UVRAG: variants seen among roughly 807,000 people sequenced by gnomAD.
The protein encoded by UVRAG is UV radiation resistance-associated gene protein.
A neutral mutation model predicts 78.0 loss-of-function variants in UVRAG; 19 were observed. That is an observed-to-expected ratio of 0.24 (90% CI 0.17 to 0.36). The LOEUF (loss-of-function observed/expected upper bound fraction) is 0.36. Ranked by LOEUF, UVRAG falls within the 10% of genes least tolerant of loss-of-function variation. The pLI is 1.00. For missense variants in UVRAG, 740 were observed against 853.8 expected (o/e 0.87, Z 1.66); for synonymous variants, 323 against 324.6 (o/e 1.00, Z 0.05).
intron 14 of UVRAG, among the ~76,000 whole-genome samples, chr11:76,124,259 A>C (rs17134576): frequency 6.6e-6 from 1 of 152,210 alleles, no homozygotes; most frequent in Admixed American, 6.5e-5. Context: ...TTAAGTGTCT[A>C]TTCTGCGTAT....
chr11:76,061,579 G>A (rs1486282686), intron 12 of UVRAG, among the ~76,000 whole-genome samples: 1 of 151,672 alleles, frequency 6.6e-6, no homozygotes. Context: ...AACCCACCGG[G>A]AGGAACGAAC....
intron 8 of UVRAG, among the ~76,000 whole-genome samples, chr11:75,992,593 G>A (rs1241007889): frequency 1.3e-5 from 2 of 152,106 alleles, no homozygotes; most frequent in African/African-American, 4.8e-5. Context: ...TGGGAAAGAG[G>A]GGGATGGCTG....
Position 76,141,110 on chromosome 11 carries a change from T to A in UVRAG, c.1797T>A (p.Thr599=), listed in dbSNP as rs1952714779. 1 of 1,613,998 alleles carries A rather than the reference T, an allele frequency of 6.2e-7. No individual in the cohort carries two copies. The highest frequency in any genetic ancestry group is 1.7e-5 in the Admixed American group (1 of 60,008). ...GGCACCGGGCCACAGTCAATGGCAC[T>A]CTCCTACCCAGCGAGCAGGCCGGGT... ...LSGHRATVNG[T]LLPSEQAGSA... Residue 599 remains threonine (T), a synonymous_variant, in exon 15 of 15, where the codon ACT becomes ACA. Transcript: ENST00000356136.
chr11:75,948,946 T>C (rs1382517873), intron 6 of UVRAG, among the ~76,000 whole-genome samples: 1 of 152,202 alleles, frequency 6.6e-6, no homozygotes, highest in Non-Finnish European at 1.5e-5. Flanking sequence ...GCAGGCGTTC[T>C]GGATGCTGTT....
At chr11:76,023,102 AT>A (rs1405445824) in intron 12 of UVRAG, among the ~76,000 whole-genome samples, 1 of 152,082 alleles carries the variant, frequency 6.6e-6, no homozygotes, top group African/African-American at 2.4e-5. Flanking sequence ...ATCATTATAC[AT>A]TGTGTGCCCA....
At chr11:76,108,085 G>A (rs1479319794) in intron 13 of UVRAG, among the ~76,000 whole-genome samples, 1 of 151,904 alleles carries the variant, frequency 6.6e-6, no homozygotes, top group Admixed American at 6.6e-5. Context: ...GATAACACAC[G>A]GTTTGTATCA....
intron 12 of UVRAG, among the ~76,000 whole-genome samples, chr11:76,064,208 A>AGTT (rs1182883635): frequency 6.6e-6 from 1 of 152,228 alleles, no homozygotes; most frequent in Non-Finnish European, 1.5e-5. Context: ...TACCTTGAAA[A>AGTT]TAGAGATAGC....
intron 6 of UVRAG, among the ~76,000 whole-genome samples, chr11:75,934,249 AACATC>A (rs1948312822): frequency 1.3e-5 from 2 of 152,370 alleles, no homozygotes; most frequent in Admixed American, 1.3e-4. Context: ...CAGCAAGACA[AACATC>A]ACATGTTCTC....
At chr11:76,072,121 A>G (rs1951322482) in intron 13 of UVRAG, among the ~76,000 whole-genome samples, 1 of 152,184 alleles carries the variant, frequency 6.6e-6, no homozygotes, top group African/African-American at 2.4e-5. Context: ...AGAGACAAAT[A>G]CAGACACACA....
chr11:76,016,159 T>G (rs1250240206), intron 11 of UVRAG, among the ~76,000 whole-genome samples: 1 of 152,180 alleles, frequency 6.6e-6, no homozygotes, highest in Non-Finnish European at 1.5e-5. Flanking sequence ...TACCTGCATT[T>G]TTTCCTAGTA....
chr11:75,818,481 ATT>A (rs113579187), intron 1 of UVRAG, among the ~76,000 whole-genome samples: 8 of 143,094 alleles, frequency 5.6e-5, no homozygotes, highest in Admixed American at 2.1e-4. Context: ...CAAGGTATCA[ATT>A]TTTTTTTTTT....
At position 75,892,299 on chromosome 11, in the gene UVRAG, GAC is replaced by G. The variant is rs902391534; in HGVS notation, c.507+3400_507+3401del. 8 of 984,446 alleles carry G rather than the reference GAC, an allele frequency of 8.1e-6. No individual in the cohort carries two copies. The African/African-American group carries it at 1.0e-4, about 13-fold the overall frequency. The allele number at this position is 984,446 out of a possible 1,614,324, so 61.0% of individuals were successfully genotyped here. A position where few individuals can be genotyped will look rare whatever the true frequency, so the allele number is the denominator to read the frequency against. On this transcript the variant is annotated intron_variant, in intron 5 of 14. Coordinates refer to ENST00000356136, the MANE Select transcript of UVRAG (RefSeq NM_003369.4). ...TGGTCCTGGAGAGGAGTGAGTGGAG[GAC>G]ACAGAGAAACTGCAGATGCTCCTTT...
At chr11:75,953,213 C>T (rs925928946) in intron 6 of UVRAG, among the ~76,000 whole-genome samples, 4 of 152,094 alleles carry the variant, frequency 2.6e-5, no homozygotes, top group African/African-American at 4.8e-5. Flanking sequence ...AGGACAGAGC[C>T]ATTTGTTACT....
chr11:76,093,785 A>C (rs1410657023), intron 13 of UVRAG, among the ~76,000 whole-genome samples: 2 of 152,226 alleles, frequency 1.3e-5, no homozygotes, highest in Non-Finnish European at 2.9e-5. Context: ...TTCTAGATAT[A>C]CAATCATGTC....
intron 6 of UVRAG, among the ~76,000 whole-genome samples, chr11:75,938,020 G>T (rs1470306456): frequency 6.6e-6 from 1 of 151,472 alleles, no homozygotes; most frequent in Non-Finnish European, 1.5e-5. Context: ...TGTTTTTCTT[G>T]TAATAACTAA....
chr11:75,854,740 A>G (rs936035515), intron 2 of UVRAG, among the ~76,000 whole-genome samples: 1 of 152,192 alleles, frequency 6.6e-6, no homozygotes, highest in African/African-American at 2.4e-5. Context: ...TTAGATGGAA[A>G]GGGGACTGGG....
At chr11:75,935,591 G>GT (rs1565387509) in intron 6 of UVRAG, among the ~76,000 whole-genome samples, 1 of 152,118 alleles carries the variant, frequency 6.6e-6, no homozygotes, top group Non-Finnish European at 1.5e-5. Flanking sequence ...AAGAGTCTTG[G>GT]TTTGGGATAC....
At chr11:75,929,524 A>G (rs1447023237) in intron 6 of UVRAG, among the ~76,000 whole-genome samples, 1 of 152,192 alleles carries the variant, frequency 6.6e-6, no homozygotes, top group Non-Finnish European at 1.5e-5. Flanking sequence ...GGAACCTCCT[A>G]CATTACCCCT....
At chr11:75,955,428 T>C (rs1004283204) in intron 6 of UVRAG, among the ~76,000 whole-genome samples, 1 of 152,266 alleles carries the variant, frequency 6.6e-6, no homozygotes, top group African/African-American at 2.4e-5. Context: ...ATAATAATAA[T>C]GTTGGCAGAG....
Sources: gnomAD v4.1 joint callset for allele counts (sites outside exome capture counted in the v4.1 genomes callset) on GRCh38, gnomAD v4.1.1 for gene constraint, MANE v1.5 for transcripts, NCBI Gene and HGNC (gene_info 2026-07-23, HGNC 2026-07-21) for gene names.